Variants in GUCY1A2 observed in about 807,000 individuals in gnomAD.
The protein encoded by GUCY1A2 is guanylate cyclase 1 soluble subunit alpha 2.
In GUCY1A2, 27 loss-of-function variants were observed where a neutral mutation model predicts 63.5. The observed-to-expected ratio is 0.43, with a 90% confidence interval of 0.31 to 0.59. The LOEUF (loss-of-function observed/expected upper bound fraction) is 0.59, where lower values mean the gene tolerates loss of function less well. GUCY1A2 is among the 20% of genes least tolerant of loss of function. The probability of loss-of-function intolerance (pLI) is 0.11; values close to 1 mark genes in which losing one functional copy is unlikely to be tolerated. For synonymous variants in GUCY1A2, 364 were observed against 343.5 expected (o/e 1.06, Z -0.66); for missense variants, 768 against 913.3 (o/e 0.84, Z 2.05).
At chr11:107,001,417 A>AT (rs550165655) in intron 1 of GUCY1A2, among the ~76,000 whole-genome samples, 1 of 151,970 alleles carries the variant, frequency 6.6e-6, no homozygotes, top group South Asian at 2.1e-4. Flanking sequence ...AGGAAAATAC[A>AT]TTTTTTTTAA....
chr11:106,729,436 A>G (rs967761610), intron 6 of GUCY1A2, among the ~76,000 whole-genome samples: 1 of 152,214 alleles, frequency 6.6e-6, no homozygotes. Flanking sequence ...GACTTTGCAA[A>G]TGAGCAACTT....
In GUCY1A2 at chr11:106,940,190, T is replaced by C. The variant is rs762873539; in HGVS notation, c.488-12A>G. The C allele has an allele frequency of 4.7e-6, 6 of 1,267,120 alleles. 1 individual carries two copies. In the South Asian group the frequency reaches 7.5e-5, roughly 16 times the overall value. The allele number at this position is 1,267,120 out of a possible 1,614,324, so 78.5% of individuals were successfully genotyped here. A position where few individuals can be genotyped will look rare whatever the true frequency, so the allele number is the denominator to read the frequency against. ...CTCAAACTTCAAACCTAGAGGTAAA[T>C]GGGAAGCAAATGTTAGTGAAGTCTA... is the stretch of plus-strand genomic sequence containing the variant. On this transcript the variant is annotated splice_polypyrimidine_tract_variant and intron_variant, in intron 3 of 7. Transcript: ENST00000526355.
Position 106,708,532 on chromosome 11 carries a change from A to G in GUCY1A2, c.1971T>C (p.Asn657=), listed in dbSNP as rs749403187. Residue 657 remains asparagine, a synonymous_variant, in exon 7 of 8, where the codon AAT becomes AAC. Coordinates refer to ENST00000526355, the MANE Select transcript of GUCY1A2 (RefSeq NM_000855.3). ...FESGSHPRRI[N]VSPTTYQLLK... ...CTTACTGGTAAGTGGTTGGGCTGAC[A>G]TTGATGCGCCGAGGGTGACTTCCCG... The G allele has an allele frequency of 1.9e-6, 3 of 1,612,552 alleles. No individual in the cohort carries two copies. Among genetic ancestry groups the G allele is most frequent in the East Asian group, 2.2e-5 (1 of 44,770 alleles).
chr11:106,769,155 G>A (rs1487382075), intron 6 of GUCY1A2, among the ~76,000 whole-genome samples: 3 of 151,966 alleles, frequency 2.0e-5, no homozygotes, highest in Admixed American at 2.0e-4. Context: ...AGTGTAATTA[G>A]TCACACAGGA....
At chr11:106,844,390 A>G (rs1222510708) in intron 4 of GUCY1A2, among the ~76,000 whole-genome samples, 3 of 151,812 alleles carry the variant, frequency 2.0e-5, no homozygotes, top group Non-Finnish European at 2.9e-5. Context: ...AGAAACATTT[A>G]TCACCAGACA....
intron 3 of GUCY1A2, among the ~76,000 whole-genome samples, chr11:106,967,993 T>C (rs557222939): frequency 6.6e-6 from 1 of 152,184 alleles, no homozygotes; most frequent in Non-Finnish European, 1.5e-5. Flanking sequence ...AACAACCCAC[T>C]TTCAGAAATA....
At chr11:106,875,843 T>C (rs1859741491) in intron 4 of GUCY1A2, among the ~76,000 whole-genome samples, 1 of 152,078 alleles carries the variant, frequency 6.6e-6, no homozygotes, top group African/African-American at 2.4e-5. Context: ...GCTTTTTTTA[T>C]CTATTATGCA....
At position 106,687,130 on chromosome 11, in the gene GUCY1A2, G is replaced by T. The variant is rs1265363051; in HGVS notation, c.*419C>A. The T allele has an allele frequency of 4.3e-6, 1 of 231,376 alleles. No individual in the cohort carries two copies. Among genetic ancestry groups the T allele is most frequent in the Admixed American group, 5.5e-5 (1 of 18,160 alleles). The allele number at this position is 231,376 out of a possible 1,614,324, so 14.3% of individuals were successfully genotyped here. On this transcript the variant is annotated 3_prime_UTR_variant, in exon 8 of 8. Transcript: ENST00000526355. ...ATGTCTGTTCAGAAAAAGAAACTTA[G>T]AAAATATTCCTCACCCACCAACTCA...
At chr11:106,766,875 G>T (rs916208315) in intron 6 of GUCY1A2, among the ~76,000 whole-genome samples, 2 of 151,924 alleles carry the variant, frequency 1.3e-5, no homozygotes, top group Non-Finnish European at 2.9e-5. Flanking sequence ...AAAGATAATG[G>T]GCTAACCTAC....
At chr11:107,000,478 T>C (rs550559916) in intron 1 of GUCY1A2, among the ~76,000 whole-genome samples, 37 of 152,360 alleles carry the variant, frequency 2.4e-4, no homozygotes, top group African/African-American at 8.4e-4. Flanking sequence ...CATATTCTTT[T>C]GTTAAGGAAG....
At chr11:106,806,659 A>G (rs999007920) in intron 5 of GUCY1A2, among the ~76,000 whole-genome samples, 4 of 152,204 alleles carry the variant, frequency 2.6e-5, no homozygotes, top group Admixed American at 1.3e-4. Flanking sequence ...TTCTAATTAC[A>G]AGAGAAACAA....
intron 1 of GUCY1A2, among the ~76,000 whole-genome samples, chr11:106,997,617 A>ACCCCCCCCCCCCCC (rs377457144): frequency 8.3e-6 from 1 of 119,764 alleles, no homozygotes; most frequent in Admixed American, 9.0e-5. Flanking sequence ...AAGATAGGGA[A>ACCCCCCCCCCCCCC]CCCCCCCCCC....
At chr11:106,830,945 A>G (rs1859042346) in intron 4 of GUCY1A2, among the ~76,000 whole-genome samples, 1 of 152,186 alleles carries the variant, frequency 6.6e-6, no homozygotes, top group Admixed American at 6.5e-5. Context: ...CATATGAAAG[A>G]TACTACCAAC....
chr11:106,774,919 T>G (rs113714045), intron 6 of GUCY1A2, among the ~76,000 whole-genome samples: 6 of 152,178 alleles, frequency 3.9e-5, no homozygotes, highest in Non-Finnish European at 8.8e-5. Context: ...TGTCCCTTTC[T>G]CACAGTTTTC....
chr11:106,982,868 T>A (rs1160574973), intron 2 of GUCY1A2, among the ~76,000 whole-genome samples: 1 of 152,176 alleles, frequency 6.6e-6, no homozygotes, highest in Non-Finnish European at 1.5e-5. Context: ...TAGACTTTAT[T>A]CTACCATAAT....
intron 6 of GUCY1A2, among the ~76,000 whole-genome samples, chr11:106,750,735 T>TAAA (rs59179865): frequency 4.7e-5 from 7 of 149,756 alleles, no homozygotes; most frequent in African/African-American, 7.3e-5. Context: ...ATAGTGGATG[T>TAAA]AAAAAAAAAA....
intron 6 of GUCY1A2, among the ~76,000 whole-genome samples, chr11:106,759,680 T>C (rs1442563977): frequency 6.6e-6 from 1 of 152,208 alleles, no homozygotes; most frequent in Non-Finnish European, 1.5e-5. Context: ...ATGCCTGTAA[T>C]CCCAGCACTT....
At chr11:106,963,719 G>A (rs746623808) in intron 3 of GUCY1A2, among the ~76,000 whole-genome samples, 2 of 152,102 alleles carry the variant, frequency 1.3e-5, no homozygotes. Context: ...GGTGATACTA[G>A]GAATTTATAG....
At chr11:107,006,162 C>A (rs1312157767) in intron 1 of GUCY1A2, among the ~76,000 whole-genome samples, 1 of 152,130 alleles carries the variant, frequency 6.6e-6, no homozygotes, top group Non-Finnish European at 1.5e-5. Flanking sequence ...TGCCAGACTG[C>A]AAATCTCCTC....
Sources: gnomAD v4.1 joint callset for allele counts (sites outside exome capture counted in the v4.1 genomes callset) on GRCh38, gnomAD v4.1.1 for gene constraint, MANE v1.5 for transcripts, NCBI Gene and HGNC (gene_info 2026-07-23, HGNC 2026-07-21) for gene names.